FMNL2: variants seen among roughly 807,000 people sequenced by gnomAD.
FMNL2 encodes formin like 2, also known as formin-like protein 2.
A neutral mutation model predicts 130.2 loss-of-function variants in FMNL2; 51 were observed. The observed-to-expected ratio is 0.39, with a 90% confidence interval of 0.31 to 0.49. FMNL2 has a LOEUF of 0.49. Among genes scored for constraint, FMNL2 ranks in the 20% least tolerant of loss-of-function variants. FMNL2 has a pLI of 0.85. For missense variants in FMNL2, 977 were observed against 1,316.2 expected (o/e 0.74, Z 3.99); for synonymous variants, 465 against 467.1 (o/e 1.00, Z 0.06).
intron 6 of FMNL2, among the ~76,000 whole-genome samples, chr2:152,566,880 G>A (rs1291410192): frequency 6.6e-6 from 1 of 152,196 alleles, no homozygotes; most frequent in Non-Finnish European, 1.5e-5. Context: ...ACCCAGAGGG[G>A]TGGCTGGGAA....
At chr2:152,533,504 G>C (rs1161270348) in intron 2 of FMNL2, among the ~76,000 whole-genome samples, 1 of 142,374 alleles carries the variant, frequency 7.0e-6, no homozygotes, top group Non-Finnish European at 1.5e-5. Flanking sequence ...TATGTCTCTG[G>C]TTTGATTACT....
chr2:152,531,477 T>C (rs1693687027), intron 2 of FMNL2, among the ~76,000 whole-genome samples: 1 of 55,642 alleles, frequency 1.8e-5, no homozygotes, highest in Admixed American at 1.4e-4. Context: ...AGATGTAAGA[T>C]CTTTTTTTTT....
intron 12 of FMNL2, among the ~76,000 whole-genome samples, chr2:152,615,371 A>G (rs777988581): frequency 1.3e-5 from 2 of 152,180 alleles, no homozygotes; most frequent in African/African-American, 4.8e-5. Context: ...CTTCTTATCA[A>G]CTATGTCCAC....
intron 1 of FMNL2, among the ~76,000 whole-genome samples, chr2:152,480,522 A>G (rs1173556558): frequency 1.3e-5 from 2 of 149,620 alleles, no homozygotes; most frequent in Admixed American, 1.3e-4. Context: ...GTAATCCTAG[A>G]TACTTGGGAG....
intron 1 of FMNL2, among the ~76,000 whole-genome samples, chr2:152,445,671 T>G (rs1422954869): frequency 6.6e-6 from 1 of 152,224 alleles, no homozygotes; most frequent in Non-Finnish European, 1.5e-5. Flanking sequence ...CCCCAAAGTT[T>G]CTGATTCAGT....
intron 1 of FMNL2, among the ~76,000 whole-genome samples, chr2:152,491,546 C>G (rs1476508568): frequency 6.6e-6 from 1 of 152,228 alleles, no homozygotes; most frequent in Non-Finnish European, 1.5e-5. Context: ...TTAAATCCCA[C>G]CAGCCAACTC....
intron 1 of FMNL2, among the ~76,000 whole-genome samples, chr2:152,387,183 G>C (rs1356339660): frequency 6.6e-6 from 1 of 150,446 alleles, no homozygotes; most frequent in Admixed American, 6.6e-5. Flanking sequence ...AAGCCCAACT[G>C]TTATCTATAG....
intron 1 of FMNL2, among the ~76,000 whole-genome samples, chr2:152,515,743 C>T (rs528559317): frequency 6.6e-6 from 1 of 152,258 alleles, no homozygotes; most frequent in East Asian, 1.9e-4. Flanking sequence ...AAGATAATAA[C>T]TACTTGTCAG....
intron 6 of FMNL2, among the ~76,000 whole-genome samples, chr2:152,570,762 A>T (rs1370270777): frequency 6.6e-6 from 1 of 152,186 alleles, no homozygotes; most frequent in East Asian, 1.9e-4. Flanking sequence ...TCAACTTGAA[A>T]GTTACACTTC....
Position 152,649,513 on chromosome 2 carries a change from C to T in FMNL2, c.*1608C>T, listed in dbSNP as rs922123364. The T allele has an allele frequency of 6.6e-6, 1 of 152,300 alleles. No homozygotes were observed. Among genetic ancestry groups the T allele is most frequent in the African/African-American group, 2.4e-5 (1 of 41,232 alleles). 9.4% of individuals were successfully genotyped at this position (152,300 alleles called of 1,614,324 possible). On this transcript the variant is annotated 3_prime_UTR_variant, in exon 26 of 26. Coordinates refer to ENST00000288670, the MANE Select transcript of FMNL2 (RefSeq NM_052905.4). ...CACATTCCCATAAATGTGTACTTTA[C>T]TTTAAAAAGAACATGCCACGATTTT...
At chr2:152,550,801 A>G (rs1483011855) in intron 4 of FMNL2, among the ~76,000 whole-genome samples, 1 of 152,178 alleles carries the variant, frequency 6.6e-6, no homozygotes, top group Non-Finnish European at 1.5e-5. Context: ...TTAACTGAAA[A>G]TGGTGGAATG....
intron 1 of FMNL2, among the ~76,000 whole-genome samples, chr2:152,494,704 A>G (rs1691404051): frequency 1.3e-5 from 2 of 152,316 alleles, no homozygotes; most frequent in South Asian, 2.1e-4. Flanking sequence ...ATAATTTTAG[A>G]TTACTCTTGA....
At chr2:152,443,713 G>T (rs1472204127) in intron 1 of FMNL2, among the ~76,000 whole-genome samples, 1 of 152,024 alleles carries the variant, frequency 6.6e-6, no homozygotes, top group Admixed American at 6.6e-5. Flanking sequence ...CGTGGTGGCC[G>T]GCATCTGTAA....
intron 9 of FMNL2, among the ~76,000 whole-genome samples, chr2:152,597,454 A>G (rs1697829306): frequency 6.6e-6 from 1 of 152,226 alleles, no homozygotes; most frequent in East Asian, 1.9e-4. Flanking sequence ...TATCATAAAG[A>G]TGTGTATCTA....
At chr2:152,481,395 A>C (rs1478166560) in intron 1 of FMNL2, among the ~76,000 whole-genome samples, 2 of 152,248 alleles carry the variant, frequency 1.3e-5, no homozygotes, top group African/African-American at 2.4e-5. Context: ...CTTGATTATG[A>C]CTTCGATATA....
Position 152,451,377 on chromosome 2 carries a change from T to A in FMNL2, c.118-70566T>A, listed in dbSNP as rs557071803. On this transcript the variant is annotated intron_variant, in intron 1 of 25. Transcript: ENST00000288670. ...GTTGGCCAGGCTGGTCTCGAACTCCTGACCTCGTGATCTGCCCACCTCGGC... is the reference window on the plus strand; with the variant it reads ...GTTGGCCAGGCTGGTCTCGAACTCCAGACCTCGTGATCTGCCCACCTCGGC... Among the ~76,000 whole-genome samples the A allele has an allele frequency of 9.2e-5, 14 of 152,212 alleles. No individual in the cohort carries two copies. In the South Asian group the frequency reaches 2.9e-3, roughly 32 times the overall value.
intron 1 of FMNL2, among the ~76,000 whole-genome samples, chr2:152,387,526 T>C (rs191878120): frequency 3.3e-4 from 51 of 152,360 alleles, no homozygotes; most frequent in African/African-American, 1.1e-3. Flanking sequence ...TAATTATGAC[T>C]TATCAAGGGG....
intron 24 of FMNL2, 117 bp from the exon 25 acceptor site, chr2:152,640,674 G>A: frequency 8.1e-7 from 1 of 1,238,462 alleles, no homozygotes; most frequent in Non-Finnish European, 1.1e-6. Flanking sequence ...TGTGGGATGT[G>A]TGTGTGTTTT....
At chr2:152,466,236 C>T (rs1343870093) in intron 1 of FMNL2, among the ~76,000 whole-genome samples, 1 of 152,272 alleles carries the variant, frequency 6.6e-6, no homozygotes, top group East Asian at 1.9e-4. Context: ...CCACGTGTGC[C>T]CTCCTGCCCG....
Sources: gnomAD v4.1 joint callset for allele counts (sites outside exome capture counted in the v4.1 genomes callset) on GRCh38, gnomAD v4.1.1 for gene constraint, MANE v1.5 for transcripts, NCBI Gene and HGNC (gene_info 2026-07-23, HGNC 2026-07-21) for gene names.